Variants in CIC observed in about 807,000 individuals in gnomAD.
The protein encoded by CIC is capicua transcriptional repressor, also known as protein capicua homolog.
A neutral mutation model predicts 115.7 loss-of-function variants in CIC; 18 were observed. The ratio of observed to expected loss-of-function variants is 0.16; its 90% CI spans 0.11 to 0.23. The LOEUF is 0.23. Among genes scored for constraint, CIC ranks in the 10% least tolerant of loss-of-function variants. The pLI, the probability that CIC is intolerant of heterozygous loss-of-function variation, is 1.00. For synonymous variants in CIC, 1,076 were observed against 923.0 expected, an observed-to-expected ratio of 1.17 and a Z score of -3.01; for missense variants, 2,000 against 2,159.3, an observed-to-expected ratio of 0.93 and a Z score of 1.46.
In CIC at chr19:42,292,426, G is replaced by C. The variant is rs780399782; in HGVS notation, c.5862G>C (p.Leu1954=). 6.2e-7 allele frequency: 1 copy of C among 1,611,068 alleles called. No individual in the cohort carries two copies. Among genetic ancestry groups the C allele is most frequent in the Non-Finnish European group, 8.5e-7 (1 of 1,178,624 alleles). Residue 1954 remains leucine, a synonymous_variant, in exon 14 of 21, where the codon CTG becomes CTC. Transcript: ENST00000681038. The part of the protein sequence containing the change: ...TSSVALGFTS[L]GPSGPAFVQP... ...CTGTAGCTCTAGGCTTCACCTCGCTGGGGCCCAGCGGCCCCGCCTTCGTGC... is the reference window on the plus strand; with the variant it reads ...CTGTAGCTCTAGGCTTCACCTCGCTCGGGCCCAGCGGCCCCGCCTTCGTGC...
rs2147271622 is a variant in CIC, at chr19:42,291,322, G to C, written c.5281G>C (p.Ala1761Pro). 6.2e-7 allele frequency: 1 copy of C among 1,612,736 alleles called. No individual in the cohort carries two copies. Among genetic ancestry groups the C allele is most frequent in the East Asian group, 2.2e-5 (1 of 44,874 alleles). Residue 1761 changes from alanine to proline, a missense_variant, in exon 11 of 21, where the codon GCT becomes CCT. Physicochemically the swap from Ala to Pro is conservative, Grantham distance 27 (BLOSUM62 -1). Transcript: ENST00000681038. The part of the protein sequence containing the change: ...PAPAPGTKAA[A>P]PSGPAPTTSI... ...ACCAGCCCCTGGGACCAAGGCAGCG[G>C]CTCCCAGCGGCCCTGCACCCACCAC... is the stretch of plus-strand genomic sequence containing the variant.
At position 42,294,885 on chromosome 19, in the gene CIC, G is replaced by C. The variant is rs1197184920; in HGVS notation, c.7248G>C (p.Leu2416=). 3 of 1,600,630 alleles carry C rather than the reference G, an allele frequency of 1.9e-6. No individual in the cohort carries two copies. In the African/African-American group the frequency reaches 4.0e-5, roughly 21 times the overall value. Reference sequence around the variant, plus strand: ...ACATCTTTCCCTCCAAGGTTTGTCTGCAGTTGAAGATCCGTGAGGTGCGCC... The same window carrying C: ...ACATCTTTCCCTCCAAGGTTTGTCTCCAGTTGAAGATCCGTGAGGTGCGCC... ...YADIFPSKVC[L]QLKIREVRQK... The change falls in exon 21 of 21, where the codon CTG becomes CTC. Residue 2416 remains leucine, a synonymous_variant. Coordinates refer to ENST00000681038, the MANE Select transcript of CIC (RefSeq NM_001386298.1).
chr19:42,276,244 G>A (rs1036144226), intron 2 of CIC, among the ~76,000 whole-genome samples: 5 of 152,252 alleles, frequency 3.3e-5, no homozygotes, highest in African/African-American at 1.2e-4. Flanking sequence ...GCAGGTGAGT[G>A]TTGGGGATGT....
chr19:42,293,509 C>T, intron 16 of CIC, 83 bp from the exon 17 acceptor site: 2 of 1,605,082 alleles, frequency 1.2e-6, no homozygotes, highest in Non-Finnish European at 1.7e-6. Flanking sequence ...GCTGGGCGGG[C>T]TCAGATCCAA....
Position 42,292,081 on chromosome 19 carries a change from C to T in CIC, c.5614-5C>T, listed in dbSNP as rs773973482. ...ACCCTGGCCTATGGGTGCCCTTCTCCACAGATCATCCAGCTGACCCCGGTG... is the reference window on the plus strand; with the variant it reads ...ACCCTGGCCTATGGGTGCCCTTCTCTACAGATCATCCAGCTGACCCCGGTG... On this transcript the variant is annotated splice_polypyrimidine_tract_variant and splice_region_variant and intron_variant, in intron 12 of 20. Coordinates refer to ENST00000681038, the MANE Select transcript of CIC (RefSeq NM_001386298.1). 2 of 1,613,640 alleles carry T rather than the reference C, an allele frequency of 1.2e-6. No homozygotes were observed. The highest frequency in any genetic ancestry group is 1.7e-5 in the Admixed American group (1 of 60,030).
chr19:42,285,212 C>A (rs2037546901), intron 2 of CIC, among the ~76,000 whole-genome samples: 1 of 152,004 alleles, frequency 6.6e-6, no homozygotes, highest in Non-Finnish European at 1.5e-5. Context: ...GCAGAGAGCG[C>A]GACACCTAAG....
Position 42,294,272 on chromosome 19 carries a change from G to C in CIC, c.7022G>C (p.Cys2341Ser). The change falls in exon 19 of 21, where the codon TGC becomes TCC. Residue 2341 changes from cysteine (C) to serine (S), a missense_variant. Cys to Ser is a moderately radical substitution (Grantham distance 112). Coordinates refer to ENST00000681038, the MANE Select transcript of CIC (RefSeq NM_001386298.1). The stretch of plus-strand genomic sequence containing the variant: ...CCCAACACCCCCAAGAGTGCCAAGT[G>C]CGAGGGGGACATCTTCACCTTTGAC... ...SEPNTPKSAK[C>S]EGDIFTFDRT... is the part of the protein sequence containing the mutation. The C allele has an allele frequency of 6.2e-7, 1 of 1,613,632 alleles. No individual in the cohort carries two copies. Among genetic ancestry groups the C allele is most frequent in the Non-Finnish European group, 8.5e-7 (1 of 1,180,048 alleles).
chr19:42,291,447 C>G lies in CIC; in HGVS notation c.5406C>G (p.Pro1802=). 2 of 1,613,100 alleles carry G rather than the reference C, an allele frequency of 1.2e-6. No individual in the cohort carries two copies. The highest frequency in any genetic ancestry group is 8.5e-7 in the Non-Finnish European group (1 of 1,179,992). ...GCATCCCCATCCTGCAGTCTGTACC[C>G]TCCGCCCCACCCCCCAAAGGTGAGA... ...TPGIPILQSV[P]SAPPPKAQSV... Residue 1802 remains proline (P), a synonymous_variant, in exon 11 of 21, where the codon CCC becomes CCG. Coordinates refer to ENST00000681038, the MANE Select transcript of CIC (RefSeq NM_001386298.1).
intron 2 of CIC, 147 bp from the exon 3 acceptor site, chr19:42,286,624 T>C: frequency 1.1e-6 from 1 of 904,384 alleles, no homozygotes; most frequent in South Asian, 1.5e-5. Context: ...TGAGTGACGT[T>C]GCATGGACGA....
In CIC at chr19:42,287,118, C is replaced by A. The variant is rs1480712800; in HGVS notation, c.3057C>A (p.Pro1019=). The change falls in exon 4 of 21, where the codon CCC becomes CCA. Residue 1019 remains proline, a synonymous_variant. Coordinates refer to ENST00000681038, the MANE Select transcript of CIC (RefSeq NM_001386298.1). This position sits in a 1 kb window ranked among gnomAD's most constrained non-coding sequence, Gnocchi z 8.7. Reference sequence around the variant, plus strand: ...GCCCTGAGAGCCCAGGACCCGGACCCCCACACCCTTTGGGGGTGGTGGAAT... The same window carrying A: ...GCCCTGAGAGCCCAGGACCCGGACCACCACACCCTTTGGGGGTGGTGGAAT... The part of the protein sequence containing the change: ...ATCPESPGPG[P]PHPLGVVESG... The A allele has an allele frequency of 1.9e-6, 3 of 1,613,636 alleles. No individual in the cohort carries two copies. In the African/African-American group the frequency reaches 4.0e-5, roughly 22 times the overall value.
Position 42,274,557 on chromosome 19 carries a change from T to C in CIC, c.2774T>C (p.Ile925Thr). The change falls in exon 2 of 21, where the codon ATC (isoleucine) becomes ACC (threonine). Residue 925 changes from isoleucine to threonine, a missense_variant. Physicochemically the swap from Ile to Thr is moderately conservative, Grantham distance 89 (BLOSUM62 -1). Transcript: ENST00000681038. ...CACCCTGCCCCCAAGAAGGAAGTCA[T>C]CATGGGCCGGCCTGGAACAGGTAAG... ...TSHPAPKKEV[I>T]MGRPGTVWTN... 1 of 398,752 alleles carries C rather than the reference T, an allele frequency of 2.5e-6. No individual in the cohort carries two copies. Among genetic ancestry groups the C allele is most frequent in the Non-Finnish European group, 4.4e-6 (1 of 226,156 alleles). 24.7% of individuals were successfully genotyped at this position (398,752 alleles called of 1,614,324 possible).
At position 42,293,157 on chromosome 19, in the gene CIC, A is replaced by C; in HGVS notation, c.6398A>C (p.Glu2133Ala). The C allele has an allele frequency of 6.2e-7, 1 of 1,604,816 alleles. No homozygotes were observed. Among genetic ancestry groups the C allele is most frequent in the Non-Finnish European group, 8.5e-7 (1 of 1,176,730 alleles). Residue 2133 changes from glutamate to alanine, a missense_variant, in exon 16 of 21, where the codon GAG (glutamate) becomes GCG (alanine). Coordinates refer to ENST00000681038, the MANE Select transcript of CIC (RefSeq NM_001386298.1). Reference sequence around the variant, plus strand: ...CCAACTGCCCCAGAGTCTGAGCTTGAGGGGCAGCCCACACCACCAGCCCCT... The same window carrying C: ...CCAACTGCCCCAGAGTCTGAGCTTGCGGGGCAGCCCACACCACCAGCCCCT... Reference protein sequence around the residue: ...REPTAPESELEGQPTPPAPPP... With the variant: ...REPTAPESELAGQPTPPAPPP...
chr19:42,292,645 A>C lies in CIC; in HGVS notation c.5982A>C (p.Ala1994=). ...VPSPQLPPAC[A]APGGPVITAF... ...GTCCCCAGCTGCCGCCTGCCTGTGCAGCCCCCGGAGGTCCTGTCATAACAG... is the reference window on the plus strand; with the variant it reads ...GTCCCCAGCTGCCGCCTGCCTGTGCCGCCCCCGGAGGTCCTGTCATAACAG... The change falls in exon 15 of 21, where the codon GCA becomes GCC. Residue 1994 remains alanine, a synonymous_variant. Transcript: ENST00000681038. The C allele has an allele frequency of 2.5e-6, 4 of 1,613,714 alleles. No individual in the cohort carries two copies. The highest frequency in any genetic ancestry group is 3.4e-6 in the Non-Finnish European group (4 of 1,179,950).
In CIC at chr19:42,289,313, GCTT is replaced by G; in HGVS notation, c.3997_3999del (p.Ser1333del). ...GCGGCCCCCGCTGCTGCCCACCCGA[GCTT>G]CTCGTTCTCAGCGTGCGGCCAGTGA... On this transcript the variant is annotated inframe_deletion, in exon 9 of 21. Coordinates refer to ENST00000681038, the MANE Select transcript of CIC (RefSeq NM_001386298.1). 1 of 1,614,098 alleles carries G rather than the reference GCTT, an allele frequency of 6.2e-7. No individual in the cohort carries two copies. The highest frequency in any genetic ancestry group is 8.5e-7 in the Non-Finnish European group (1 of 1,180,010).
In CIC at chr19:42,272,447, C is replaced by T. The variant is rs1202526727; in HGVS notation, c.664C>T (p.Arg222Cys). ...TGGCCTTTTCCTGCCGGCTGTGGTG[C>T]GCCAGGTGCGCCGAAGCCAGGACCT... ...GDGLFLPAVVRQVRRSQDLGV... is the reference protein window; with the variant it reads ...GDGLFLPAVVCQVRRSQDLGV... The change falls in exon 2 of 21, where the codon CGC becomes TGC. Residue 222 changes from arginine (R) to cysteine (C), a missense_variant. Coordinates refer to ENST00000681038, the MANE Select transcript of CIC (RefSeq NM_001386298.1). 1.3e-5 allele frequency: 5 copies of T among 398,410 alleles called. No homozygotes were observed. The highest frequency in any genetic ancestry group is 2.1e-5 in the African/African-American group (1 of 48,614). The allele number at this position is 398,410 out of a possible 1,614,324, so 24.7% of individuals were successfully genotyped here.
chr19:42,284,074 G>C (rs959821781), intron 2 of CIC: 5 of 148,584 alleles, frequency 3.4e-5, no homozygotes, highest in African/African-American at 1.2e-4. Flanking sequence ...GCGGGGAGGC[G>C]GTGGTGGTTC....
rs2147187184 is a variant in CIC at position 42,287,290 on chromosome 19, G to A, written c.3180-30G>A. The stretch of plus-strand genomic sequence containing the variant: ...TGGGGGTGGGATGGCCAGAGACATG[G>A]CCCTCACTGTCCCTGCTGCCCCGCC... On this transcript the variant is annotated intron_variant, in intron 4 of 20. Transcript: ENST00000681038. This position sits in a 1 kb window ranked among gnomAD's most constrained non-coding sequence, Gnocchi z 8.7. 1 of 1,613,998 alleles carries A rather than the reference G, an allele frequency of 6.2e-7. No homozygotes were observed. The highest frequency in any genetic ancestry group is 8.5e-7 in the Non-Finnish European group (1 of 1,180,012).
Position 42,291,306 on chromosome 19 carries a change from T to G in CIC, c.5265T>G (p.Pro1755=), listed in dbSNP as rs773049475. 3.3e-5 allele frequency: 54 copies of G among 1,612,674 alleles called. 1 individual carries two copies. Among genetic ancestry groups the G allele is most frequent in the Non-Finnish European group, 4.2e-5 (50 of 1,179,846 alleles). ...TGGCACCTGCCCCAGCACCAGCCCC[T>G]GGGACCAAGGCAGCGGCTCCCAGCG... is the stretch of plus-strand genomic sequence containing the variant. ...LQVAPAPAPA[P]GTKAAAPSGP... is the part of the protein sequence containing the mutation. The change falls in exon 11 of 21, where the codon CCT becomes CCG. Residue 1755 remains proline, a synonymous_variant. Transcript: ENST00000681038.
chr19:42,275,757 T>C (rs1430851217), intron 2 of CIC, among the ~76,000 whole-genome samples: 1 of 152,182 alleles, frequency 6.6e-6, no homozygotes, highest in Admixed American at 6.5e-5. Context: ...CAAGCAGTCT[T>C]CCTGTCTTGG....
Sources: gnomAD v4.1 joint callset for allele counts (sites outside exome capture counted in the v4.1 genomes callset) on GRCh38, gnomAD v4.1.1 for gene constraint, Gnocchi (gnomAD v3.1) non-coding constraint, MANE v1.5 for transcripts, NCBI Gene and HGNC (gene_info 2026-07-23, HGNC 2026-07-21) for gene names.